Variants in MBNL1 observed in about 807,000 individuals in gnomAD.
The protein encoded by MBNL1 is muscleblind like splicing regulator 1, also known as muscleblind-like protein 1.
Under a neutral mutation model 42.2 loss-of-function variants are expected in MBNL1, and 8 were observed. The ratio of observed to expected loss-of-function variants is 0.19; its 90% confidence interval spans 0.11 to 0.34. MBNL1 has a LOEUF of 0.34. Among genes scored for constraint, MBNL1 ranks in the 10% least tolerant of loss-of-function variants. MBNL1 has a pLI of 1.00. For missense variants in MBNL1, 309 were observed against 495.3 expected (o/e 0.62, Z 3.57); for synonymous variants, 169 against 173.9 (o/e 0.97, Z 0.22).
chr3:152,315,882 TCTCTCA>T lies in MBNL1; in HGVS notation c.174+15519_174+15524del, dbSNP rs1259474761. Among the ~76,000 whole-genome samples the T allele has an allele frequency of 9.3e-4, 140 of 149,866 alleles. 2 individuals are homozygous for T. The highest frequency in any genetic ancestry group is 3.2e-3 in the African/African-American group (126 of 39,736). ...CACACACACACTCTCTCTCTCTCTC[TCTCTCA>T]CTCCTCTCTCTCTCACACACATATG... On this transcript the variant is annotated intron_variant, in intron 2 of 9. Coordinates refer to ENST00000324210, the MANE Select transcript of MBNL1 (RefSeq NM_021038.5).
rs1748465132 is a variant in MBNL1, at chr3:152,463,270, GATAT to G, written c.*910_*913del. ...ACATACTGGAGATATATATATAATA[GATAT>G]ATATAAAATTATTTTAATGCATTGT... On this transcript the variant is annotated 3_prime_UTR_variant, in exon 10 of 10. Transcript: ENST00000324210. 1 of 149,726 alleles carries G rather than the reference GATAT, an allele frequency of 6.7e-6. No individual in the cohort carries two copies. Among genetic ancestry groups the G allele is most frequent in the Admixed American group, 6.7e-5 (1 of 14,994 alleles). 9.3% of individuals were successfully genotyped at this position (149,726 alleles called of 1,614,324 possible). A position where few individuals can be genotyped will look rare whatever the true frequency, so the allele number is the denominator to read the frequency against.
intron 2 of MBNL1, among the ~76,000 whole-genome samples, chr3:152,337,349 G>T (rs910281267): frequency 6.6e-6 from 1 of 152,198 alleles, no homozygotes; most frequent in Admixed American, 6.5e-5. Context: ...GCCAAGCACG[G>T]TGGCTCACGC....
chr3:152,360,037 G>C (rs1386850479), intron 2 of MBNL1, among the ~76,000 whole-genome samples: 1 of 152,184 alleles, frequency 6.6e-6, no homozygotes, highest in African/African-American at 2.4e-5. Flanking sequence ...CAAGTCTTCA[G>C]TATATTCTTT....
chr3:152,244,294 C>T (rs2032376043), intron 1 of MBNL1: 1 of 152,136 alleles, frequency 6.6e-6, no homozygotes, highest in Admixed American at 6.6e-5. Flanking sequence ...TCATAACTTC[C>T]TCTTTTGGTG....
At chr3:152,444,034 T>G (rs2099184538) in intron 4 of MBNL1, among the ~76,000 whole-genome samples, 1 of 152,212 alleles carries the variant, frequency 6.6e-6, no homozygotes, top group Non-Finnish European at 1.5e-5. Flanking sequence ...TTTATACAAA[T>G]CCAAGAAAAC....
intron 2 of MBNL1, among the ~76,000 whole-genome samples, chr3:152,337,543 G>A (rs993736134): frequency 9.2e-5 from 14 of 151,564 alleles, no homozygotes; most frequent in African/African-American, 2.9e-4. Flanking sequence ...GCTCAAACCC[G>A]GGAGGTGGAG....
Position 152,330,793 on chromosome 3 carries a change from G to A in MBNL1, c.174+30426G>A, listed in dbSNP as rs941633644. Reference sequence around the variant, plus strand: ...GTTATTGTTGTTAATCACTTACTGTGCCTAATTTATAAATTAAACTTTATT... The same window carrying A: ...GTTATTGTTGTTAATCACTTACTGTACCTAATTTATAAATTAAACTTTATT... On this transcript the variant is annotated intron_variant, in intron 2 of 9. Transcript: ENST00000324210. Among the ~76,000 whole-genome samples the A allele has an allele frequency of 4.6e-5, 7 of 152,224 alleles. No individual in the cohort carries two copies. In the South Asian group the frequency reaches 1.5e-3, roughly 32 times the overall value.
At chr3:152,262,937 C>G (rs746305688) in intron 2 of MBNL1, 2 of 152,178 alleles carry the variant, frequency 1.3e-5, no homozygotes, top group Non-Finnish European at 2.9e-5. Context: ...ATTTACTTGT[C>G]TTTAACAACA....
At chr3:152,261,167 C>A (rs2036201564) in intron 2 of MBNL1, among the ~76,000 whole-genome samples, 1 of 152,142 alleles carries the variant, frequency 6.6e-6, no homozygotes, top group African/African-American at 2.4e-5. Context: ...GATACAGACG[C>A]TTGGATGCCC....
intron 2 of MBNL1, among the ~76,000 whole-genome samples, chr3:152,365,970 TA>T (rs1260186486): frequency 6.6e-6 from 1 of 152,130 alleles, no homozygotes; most frequent in Non-Finnish European, 1.5e-5. Flanking sequence ...GACAAACATG[TA>T]AAAAGGTGCT....
At chr3:152,248,739 G>A (rs1219381142) in intron 2 of MBNL1, among the ~76,000 whole-genome samples, 1 of 151,738 alleles carries the variant, frequency 6.6e-6, no homozygotes, top group Non-Finnish European at 1.5e-5. Context: ...TTAGCATTAG[G>A]TATATCTCCT....
chr3:152,278,224 T>G (rs1368861619), intron 1 of MBNL1, among the ~76,000 whole-genome samples: 2 of 152,138 alleles, frequency 1.3e-5, no homozygotes, highest in African/African-American at 2.4e-5. Context: ...GAGCCATTAT[T>G]TGAACTTCAT....
rs781162145 is a variant in MBNL1 at position 152,461,015 on chromosome 3, G to A, written c.*19-1370G>A. Among the ~76,000 whole-genome samples, 37 of 152,268 alleles carry A rather than the reference G, an allele frequency of 2.4e-4. 2 individuals are homozygous for A. The highest frequency in any genetic ancestry group is 2.3e-3 in the South Asian group (11 of 4,822). ...GGAGCAGCTGTTCCCAACAGGATCC[G>A]TAAACAAATGAATGTGGACAATGAA... is the stretch of plus-strand genomic sequence containing the variant. On this transcript the variant is annotated intron_variant, in intron 9 of 9. Coordinates refer to ENST00000324210, the MANE Select transcript of MBNL1 (RefSeq NM_021038.5).
chr3:152,335,076 C>T (rs1490437156), intron 2 of MBNL1: 18 of 1,254,688 alleles, frequency 1.4e-5, no homozygotes, highest in Non-Finnish European at 1.9e-5. Flanking sequence ...GGAAAAGTGG[C>T]TGACCTGGCA....
intron 2 of MBNL1, among the ~76,000 whole-genome samples, chr3:152,370,662 G>C (rs1188063059): frequency 6.6e-6 from 1 of 152,116 alleles, no homozygotes; most frequent in African/African-American, 2.4e-5. Flanking sequence ...CTAAGAACTT[G>C]CTTATGAATT....
rs1406684763 is a variant in MBNL1, at chr3:152,250,094, C to A, written n.333+5654C>A. Among the ~76,000 whole-genome samples the A allele has an allele frequency of 4.6e-5, 7 of 152,122 alleles. 1 individual carries two copies. In the South Asian group the frequency reaches 1.5e-3, roughly 32 times the overall value. ...TTCTTTTGGCTTAGGATTTACTTGGCGATGCGGGCTCTTTTTTGGATCCAT... is the reference window on the plus strand; with the variant it reads ...TTCTTTTGGCTTAGGATTTACTTGGAGATGCGGGCTCTTTTTTGGATCCAT... On this transcript the variant is annotated intron_variant and non_coding_transcript_variant, in intron 2 of 2. Transcript: ENST00000477171.
At position 152,353,208 on chromosome 3, in the gene MBNL1, C is replaced by G. The variant is rs1287404220; in HGVS notation, c.174+52841C>G. ...TCTCCTGTAAAGTCAATGGTGTACT[C>G]TTTCATCCAACTACTCAGGAATCCA... On this transcript the variant is annotated intron_variant, in intron 2 of 9. Coordinates refer to ENST00000324210, the MANE Select transcript of MBNL1 (RefSeq NM_021038.5). 2.0e-5 allele frequency among the ~76,000 whole-genome samples: 3 copies of G among 152,332 alleles called. No individual in the cohort carries two copies. The East Asian group carries it at 5.8e-4, about 29-fold the overall frequency.
intron 4 of MBNL1, among the ~76,000 whole-genome samples, chr3:152,443,163 A>G (rs902274426): frequency 7.5e-6 from 1 of 132,514 alleles, no homozygotes; most frequent in Non-Finnish European, 1.5e-5. Context: ...TAATAAACCA[A>G]TCCTTAACCT....
chr3:152,319,163 T>G (rs2074476844), intron 2 of MBNL1, among the ~76,000 whole-genome samples: 1 of 152,118 alleles, frequency 6.6e-6, no homozygotes, highest in African/African-American at 2.4e-5. Context: ...ACGGAAAACC[T>G]TTTTTTGGGG....
Sources: allele counts gnomAD v4.1 joint callset (sites outside exome capture counted in the v4.1 genomes callset), GRCh38; gene constraint gnomAD v4.1.1; transcripts MANE v1.5; gene names NCBI Gene and HGNC (gene_info 2026-07-23, HGNC 2026-07-21).